Variants in PUS10 observed in about 807,000 individuals in gnomAD.
The protein encoded by PUS10 is pseudouridine synthase 10.
PUS10 carries 59 observed loss-of-function variants against 75.0 expected under a neutral mutation model. That is an observed-to-expected ratio of 0.79 (90% CI 0.64 to 0.98). PUS10 has a LOEUF of 0.98. PUS10 is among the 50% of genes least tolerant of loss of function. The pLI, the probability that PUS10 is intolerant of heterozygous loss-of-function variation, is 0.00. For missense variants in PUS10, 650 were observed against 614.4 expected, an observed-to-expected ratio of 1.06 and a Z score of -0.61; for synonymous variants, 219 against 211.6, an observed-to-expected ratio of 1.03 and a Z score of -0.30.
chr2:60,994,961 G>A (rs1678354008), intron 4 of PUS10, among the ~76,000 whole-genome samples: 2 of 152,134 alleles, frequency 1.3e-5, no homozygotes, highest in African/African-American at 4.8e-5. Context: ...AAGGTGACGA[G>A]CGTCTGTAGT....
intron 4 of PUS10, among the ~76,000 whole-genome samples, chr2:60,973,233 T>C (rs1676803086): frequency 6.6e-6 from 1 of 152,192 alleles, no homozygotes; most frequent in Non-Finnish European, 1.5e-5. Context: ...GTCGGGTTAA[T>C]TTGCACGGGG....
intron 2 of PUS10, chr2:61,010,939 G>C: frequency 6.5e-7 from 1 of 1,530,746 alleles, no homozygotes; most frequent in Non-Finnish European, 8.8e-7. Context: ...GTTATTATGA[G>C]AATTATATAA....
chr2:60,956,150 C>A (rs1000246231), intron 11 of PUS10, among the ~76,000 whole-genome samples: 2 of 151,958 alleles, frequency 1.3e-5, no homozygotes, highest in African/African-American at 4.8e-5. Context: ...TAGAACTAGG[C>A]CAGGCAGGAT....
At chr2:60,960,281 C>T in intron 11 of PUS10, 111 bp downstream of exon 11, 1 of 797,800 alleles carries the variant, frequency 1.3e-6, no homozygotes, top group Non-Finnish European at 1.8e-6. Context: ...GAAGTCAAGG[C>T]TGCCATAAGC....
intron 4 of PUS10, among the ~76,000 whole-genome samples, chr2:60,989,752 G>A (rs1287165389): frequency 6.6e-6 from 1 of 152,026 alleles, no homozygotes. Flanking sequence ...CCAAGTAGCT[G>A]GGACTACAGG....
At chr2:60,987,976 C>G (rs1416748976) in intron 4 of PUS10, among the ~76,000 whole-genome samples, 2 of 151,168 alleles carry the variant, frequency 1.3e-5, no homozygotes, top group Admixed American at 1.3e-4. Flanking sequence ...GTAGTCCCAG[C>G]TATTTGGGAG....
At chr2:60,982,834 ATT>A (rs771254790) in intron 4 of PUS10, among the ~76,000 whole-genome samples, 3 of 146,286 alleles carry the variant, frequency 2.1e-5, no homozygotes, top group Admixed American at 6.9e-5. Context: ...ATTAAGTCGA[ATT>A]TTTTTTTTTT....
intron 16 of PUS10, among the ~76,000 whole-genome samples, chr2:60,947,556 G>A (rs1675022432): frequency 6.6e-6 from 1 of 152,162 alleles, no homozygotes; most frequent in Admixed American, 6.5e-5. Flanking sequence ...TAGGCCAGGC[G>A]CGGTGGCTCA....
chr2:61,011,677 T>C, intron 2 of PUS10, 88 bp downstream of exon 2: 1 of 946,358 alleles, frequency 1.1e-6, no homozygotes. Context: ...TATGAATAGA[T>C]ACCTGCCCTC....
chr2:60,954,116 T>C lies in PUS10; in HGVS notation c.1100A>G (p.His367Arg). ...AIELVNPHRV[H>R]FTSQEIKELQ... ...TTCCTTAATTTCTTGTGAAGTGAAA[T>C]GTACTCTATGAGGATTCACCAGCTC... Residue 367 changes from histidine (H) to arginine (R), a missense_variant, in exon 13 of 18, where the codon CAT becomes CGT. Coordinates refer to ENST00000316752, the MANE Select transcript of PUS10 (RefSeq NM_144709.4). The C allele has an allele frequency of 1.9e-6, 3 of 1,614,188 alleles. No individual in the cohort carries two copies. Among genetic ancestry groups the C allele is most frequent in the Non-Finnish European group, 1.7e-6 (2 of 1,180,000 alleles).
chr2:60,968,905 TAGAA>T (rs964294888), intron 5 of PUS10, among the ~76,000 whole-genome samples: 1 of 152,144 alleles, frequency 6.6e-6, no homozygotes, highest in African/African-American at 2.4e-5. Context: ...CTCTGAATAT[TAGAA>T]AGATTTTAGG....
chr2:60,949,493 T>C (rs971591669), intron 15 of PUS10, among the ~76,000 whole-genome samples: 2 of 152,140 alleles, frequency 1.3e-5, no homozygotes, highest in Admixed American at 1.3e-4. Context: ...TCATTTATTC[T>C]AACATTGCAC....
chr2:60,971,928 T>A (rs1676698007), intron 4 of PUS10, among the ~76,000 whole-genome samples: 1 of 144,998 alleles, frequency 6.9e-6, no homozygotes, highest in Non-Finnish European at 1.5e-5. Flanking sequence ...TGGAGTGTAC[T>A]GGCAGGATCT....
At chr2:60,989,708 T>G (rs957663977) in intron 4 of PUS10, among the ~76,000 whole-genome samples, 3 of 152,036 alleles carry the variant, frequency 2.0e-5, no homozygotes, top group African/African-American at 7.2e-5. Flanking sequence ...AACCTCCTCC[T>G]CCTGAGCTCA....
intron 4 of PUS10, among the ~76,000 whole-genome samples, chr2:60,982,243 T>G (rs1009424699): frequency 6.6e-6 from 1 of 151,952 alleles, no homozygotes; most frequent in African/African-American, 2.4e-5. Flanking sequence ...TCCCTGGATT[T>G]ATTTATTTAT....
intron 1 of PUS10, chr2:61,017,723 CAG>C (rs1423457933): frequency 1.3e-6 from 2 of 1,523,842 alleles, no homozygotes; most frequent in Non-Finnish European, 1.8e-6. Flanking sequence ...CCTGGACAGT[CAG>C]GGGTAGGAGC....
rs1325904943 is a variant in PUS10, at chr2:60,947,808, G to A, written c.1451+235C>T. 3.2e-5 allele frequency among the ~76,000 whole-genome samples: 4 copies of A among 124,682 alleles called. No individual in the cohort carries two copies. The South Asian group carries it at 9.8e-4, about 30-fold the overall frequency. 81.8% of individuals were successfully genotyped at this position (124,682 alleles called of 152,430 possible). ...GGCGCCACCGCACTCCAGCCTGGGC[G>A]ACAGAGCGAGACTCTGCCTCAAAAA... On this transcript the variant is annotated intron_variant, in intron 16 of 17. Coordinates refer to ENST00000316752, the MANE Select transcript of PUS10 (RefSeq NM_144709.4).
In PUS10 at chr2:60,972,051, T is replaced by A. The variant is rs201491775; in HGVS notation, c.469-494A>T. Among the ~76,000 whole-genome samples, 18 of 149,850 alleles carry A rather than the reference T, an allele frequency of 1.2e-4. No individual in the cohort carries two copies. The East Asian group carries it at 3.4e-3, about 28-fold the overall frequency. On this transcript the variant is annotated intron_variant, in intron 4 of 17. Coordinates refer to ENST00000316752, the MANE Select transcript of PUS10 (RefSeq NM_144709.4). ...ACACTCGGCTAACTTGTGTTTTTAG[T>A]AGAGACGGGTTTTCACCATGTTGGC... is the stretch of plus-strand genomic sequence containing the variant.
chr2:60,965,279 A>AT, intron 7 of PUS10, 144 bp downstream of exon 7: 1 of 996,652 alleles, frequency 1.0e-6, no homozygotes, highest in Non-Finnish European at 1.6e-6. Context: ...GACACATTTT[A>AT]TTTTTTTGAG....
Sources: allele counts gnomAD v4.1 joint callset (sites outside exome capture counted in the v4.1 genomes callset), GRCh38; gene constraint gnomAD v4.1.1; transcripts MANE v1.5; gene names NCBI Gene and HGNC (gene_info 2026-07-23, HGNC 2026-07-21).